Variants in ZNF790 observed in about 807,000 individuals in gnomAD.
ZNF790 encodes zinc finger protein 790.
In ZNF790, 8 loss-of-function variants were observed where a neutral mutation model predicts 12.1. The observed-to-expected ratio is 0.66, with a 90% confidence interval of 0.39 to 1.19. ZNF790 has a LOEUF of 1.19. Ranked by LOEUF, ZNF790 falls within the 50% of genes most tolerant of loss-of-function variation. The pLI, the probability that ZNF790 is intolerant of heterozygous loss-of-function variation, is 0.01. For synonymous variants in ZNF790, 252 were observed against 244.3 expected, an observed-to-expected ratio of 1.03 and a Z score of -0.29; for missense variants, 707 against 752.2, an observed-to-expected ratio of 0.94 and a Z score of 0.70.
At chr19:36,836,390 A>AC (rs1357996827) in intron 1 of ZNF790, among the ~76,000 whole-genome samples, 2 of 151,830 alleles carry the variant, frequency 1.3e-5, no homozygotes, top group Non-Finnish European at 2.9e-5. Context: ...TATTGAAGAG[A>AC]CCTTGAGCTA....
intron 1 of ZNF790, among the ~76,000 whole-genome samples, chr19:36,843,621 C>T (rs2072149535): frequency 6.6e-6 from 1 of 152,140 alleles, no homozygotes. Flanking sequence ...ATATTATCTG[C>T]AGCCTCTACT....
chr19:36,822,792 G>A (rs1256088161), intron 4 of ZNF790, among the ~76,000 whole-genome samples: 1 of 151,932 alleles, frequency 6.6e-6, no homozygotes, highest in Non-Finnish European at 1.5e-5. Context: ...TGCCTGCCTC[G>A]GCCTCCCAAA....
At chr19:36,839,225 AT>A (rs1323182082), upstream of ZNF790, among the ~76,000 whole-genome samples, 1 of 152,094 alleles carries the variant, frequency 6.6e-6, no homozygotes, top group African/African-American at 2.4e-5. Context: ...CAGAGGAGTA[AT>A]TTTTTTCAGT....
chr19:36,824,554 C>T (rs1315855899), intron 2 of ZNF790, among the ~76,000 whole-genome samples: 2 of 152,144 alleles, frequency 1.3e-5, no homozygotes, highest in Non-Finnish European at 2.9e-5. Flanking sequence ...GTGATCCACC[C>T]ACCTTGGCCT....
At chr19:36,848,765 G>T (rs1329670791) in intron 1 of ZNF790, among the ~76,000 whole-genome samples, 1 of 149,098 alleles carries the variant, frequency 6.7e-6, no homozygotes, top group East Asian at 1.9e-4. Flanking sequence ...GGGGGTGGTG[G>T]CTCCAAAGCC....
At chr19:36,835,021 C>T (rs1486928066) in intron 1 of ZNF790, among the ~76,000 whole-genome samples, 9 of 152,212 alleles carry the variant, frequency 5.9e-5, no homozygotes, top group Non-Finnish European at 1.3e-4. Context: ...TGCACGGTGG[C>T]TCACACCTGT....
At chr19:36,828,859 A>G (rs560865866) in intron 1 of ZNF790, among the ~76,000 whole-genome samples, 1 of 152,348 alleles carries the variant, frequency 6.6e-6, no homozygotes, top group Non-Finnish European at 1.5e-5. Flanking sequence ...AATCCCAACC[A>G]TCAGGAAACA....
At position 36,819,899 on chromosome 19, in the gene ZNF790, G is replaced by A. The variant is rs2071628477; in HGVS notation, c.445C>T (p.Pro149Ser). Residue 149 changes from proline (P) to serine (S), a missense_variant, in exon 5 of 5, where the codon CCC (proline) becomes TCC (serine). Coordinates refer to ENST00000356725, the MANE Select transcript of ZNF790 (RefSeq NM_206894.4). The stretch of plus-strand genomic sequence containing the variant: ...AACACTGTATGCTGGTTAAAAGTGG[G>A]CCTTTTTTCACAGGTGCGTATCACC... ...KQVIRTCEKR[P>S]TFNQHTVFNL... The A allele has an allele frequency of 1.2e-6, 2 of 1,613,994 alleles. No individual in the cohort carries two copies. Among genetic ancestry groups the A allele is most frequent in the African/African-American group, 2.7e-5 (2 of 74,900 alleles).
chr19:36,831,873 T>C (rs1415680247), intron 1 of ZNF790, among the ~76,000 whole-genome samples: 1 of 152,032 alleles, frequency 6.6e-6, no homozygotes, highest in Non-Finnish European at 1.5e-5. Flanking sequence ...ACCAAAATAG[T>C]AGCAAAACAT....
Position 36,827,139 on chromosome 19 carries a change from CACATAT to C in ZNF790, c.-73-1453_-73-1448del, listed in dbSNP as rs1416564673. ...ACATACACACACACACACACACACA[CACATAT>C]ATATATATATATATATATATATATA... On this transcript the variant is annotated intron_variant, in intron 1 of 4. Coordinates refer to ENST00000356725, the MANE Select transcript of ZNF790 (RefSeq NM_206894.4). Among the ~76,000 whole-genome samples, 104 of 70,214 alleles carry C rather than the reference CACATAT, an allele frequency of 1.5e-3. 1 individual carries two copies. The highest frequency in any genetic ancestry group is 5.7e-3 in the African/African-American group (91 of 16,078). 46.1% of individuals were successfully genotyped at this position (70,214 alleles called of 152,430 possible).
At chr19:36,832,573 A>G (rs2071963895) in intron 1 of ZNF790, among the ~76,000 whole-genome samples, 1 of 152,102 alleles carries the variant, frequency 6.6e-6, no homozygotes, top group Admixed American at 6.6e-5. Flanking sequence ...GCCACGTTGG[A>G]AGGTGATCCT....
intron 4 of ZNF790, among the ~76,000 whole-genome samples, 188 bp from the exon 5 acceptor site, chr19:36,820,302 G>C (rs1244930696): frequency 6.6e-6 from 1 of 152,126 alleles, no homozygotes; most frequent in Non-Finnish European, 1.5e-5. Flanking sequence ...TAAAAGTTGA[G>C]TCAAGTGATG....
chr19:36,819,482 C>T lies in ZNF790; in HGVS notation c.862G>A (p.Gly288Arg), dbSNP rs756927202. 2.5e-6 allele frequency: 4 copies of T among 1,611,134 alleles called. No individual in the cohort carries two copies. The highest frequency in any genetic ancestry group is 3.4e-6 in the Non-Finnish European group (4 of 1,178,428). ...GEKSYECKEC[G>R]KAFSCGSDLT... ...TCTGAGCCACAACTAAAGGCCTTCC[C>T]ACATTCCTTACATTCATAAGATTTC... The change falls in exon 5 of 5, where the codon GGG becomes AGG. Residue 288 changes from glycine (G) to arginine (R), a missense_variant. Transcript: ENST00000356725.
chr19:36,825,866 T>G (rs545282677), intron 1 of ZNF790, among the ~76,000 whole-genome samples, 174 bp from the exon 2 acceptor site: 1 of 152,238 alleles, frequency 6.6e-6, no homozygotes, highest in South Asian at 2.1e-4. Context: ...GAATCACTTA[T>G]GCCAAAATCA....
At chr19:36,834,192 G>A (rs1396403222) in intron 1 of ZNF790, among the ~76,000 whole-genome samples, 3 of 140,242 alleles carry the variant, frequency 2.1e-5, no homozygotes, top group Non-Finnish European at 3.0e-5. Flanking sequence ...GCGGTGAGCC[G>A]AGATCGCACC....
intron 4 of ZNF790, among the ~76,000 whole-genome samples, chr19:36,822,040 C>T (rs2071684360): frequency 6.6e-6 from 1 of 152,044 alleles, no homozygotes; most frequent in South Asian, 2.1e-4. Flanking sequence ...CTTAATGTTC[C>T]CTGTATGCAG....
chr19:36,845,429 G>C (rs542954749), intron 1 of ZNF790, among the ~76,000 whole-genome samples: 1 of 150,918 alleles, frequency 6.6e-6, no homozygotes, highest in Non-Finnish European at 1.5e-5. Flanking sequence ...AAAAAAATTA[G>C]TAGGGAAAGA....
At position 36,819,771 on chromosome 19, in the gene ZNF790, A is replaced by G; in HGVS notation, c.573T>C (p.Ile191=). The change falls in exon 5 of 5, where the codon ATT becomes ATC. Residue 191 remains isoleucine, a synonymous_variant. Coordinates refer to ENST00000356725, the MANE Select transcript of ZNF790 (RefSeq NM_206894.4). ...SGSDHTQHQL[I]HTSEKFCGDK... Reference sequence around the variant, plus strand: ...CTCCACAGAATTTCTCACTTGTGTGAATTAACTGATGTTGAGTATGATCTG... The same window carrying G: ...CTCCACAGAATTTCTCACTTGTGTGGATTAACTGATGTTGAGTATGATCTG... 6.2e-7 allele frequency: 1 copy of G among 1,613,104 alleles called. No individual in the cohort carries two copies. The highest frequency in any genetic ancestry group is 8.5e-7 in the Non-Finnish European group (1 of 1,179,628).
At chr19:36,836,041 G>C (rs1441345943) in intron 1 of ZNF790, among the ~76,000 whole-genome samples, 2 of 151,930 alleles carry the variant, frequency 1.3e-5, no homozygotes, top group Non-Finnish European at 2.9e-5. Flanking sequence ...TGGTTGCAGG[G>C]CCATCATTCT....
Sources: allele counts gnomAD v4.1 joint callset (sites outside exome capture counted in the v4.1 genomes callset), GRCh38; gene constraint gnomAD v4.1.1; transcripts MANE v1.5; gene names NCBI Gene and HGNC (gene_info 2026-07-23, HGNC 2026-07-21).